The following GRK7 variants were observed in gnomAD, a reference collection of about 807,000 sequenced individuals.
The protein encoded by GRK7 is rhodopsin kinase GRK7.
In GRK7, 24 loss-of-function variants were observed where a neutral mutation model predicts 34.1. That is an observed-to-expected ratio of 0.70 (90% confidence interval 0.51 to 0.99). GRK7 has a LOEUF of 0.99. Among genes scored for constraint, GRK7 ranks in the 50% least tolerant of loss-of-function variants. The pLI is 0.00. For synonymous variants in GRK7, 256 were observed against 279.4 expected (o/e 0.92, Z 0.84); for missense variants, 644 against 707.3 (o/e 0.91, Z 1.02).
At chr3:141,811,086 G>A (rs570836387) in intron 5 of GRK7, among the ~76,000 whole-genome samples, 128 of 152,148 alleles carry the variant, frequency 8.4e-4, no homozygotes, top group Non-Finnish European at 1.6e-3. Context: ...AGGCCAAGGC[G>A]GGTGGGTCAC....
Position 141,778,802 on chromosome 3 carries a change from A to T in GRK7, c.518A>T (p.Asp173Val), listed in dbSNP as rs745778241. Residue 173 changes from aspartate (D) to valine (V), a missense_variant, in exon 3 of 6, where the codon GAC (aspartate) becomes GTC (valine). Asp to Val is a radical substitution (Grantham distance 152, BLOSUM62 -3). Coordinates refer to ENST00000682958, the MANE Select transcript of GRK7 (RefSeq NM_139209.3). This position sits in a 1 kb window ranked among gnomAD's most constrained non-coding sequence, Gnocchi z 4.1. ...FKDFVTSAFY[D>V]KFLQWKLFEM... ...GATTTCGTGACCAGCGCCTTCTACG[A>T]CAAGTTTCTGCAGTGGAAACTCTTC... 2 of 1,609,938 alleles carry T rather than the reference A, an allele frequency of 1.2e-6. No homozygotes were observed. Among genetic ancestry groups the T allele is most frequent in the South Asian group, 2.2e-5 (2 of 90,274 alleles).
chr3:141,792,848 G>T (rs1465020268), intron 4 of GRK7, among the ~76,000 whole-genome samples: 1 of 152,192 alleles, frequency 6.6e-6, no homozygotes, highest in Non-Finnish European at 1.5e-5. Context: ...GGATTAGAGG[G>T]TTAGGACTTT....
In GRK7 at chr3:141,765,536, C is replaced by T. The variant is rs1197420509; in HGVS notation, c.-417C>T. 2.6e-5 allele frequency among the ~76,000 whole-genome samples: 4 copies of T among 152,072 alleles called. No individual in the cohort carries two copies. Among genetic ancestry groups the T allele is most frequent in the African/African-American group, 4.8e-5 (2 of 41,400 alleles). On this transcript the variant is annotated 5_prime_UTR_variant, in exon 1 of 6. The change creates a new upstream start codon in the 5' untranslated region. Coordinates refer to ENST00000682958, the MANE Select transcript of GRK7 (RefSeq NM_139209.3). ...ACCAGTAGAATGTGGCAGAAGTTAA[C>T]GGTGTATCAGCTCCAGAGCCTGGAA... is the stretch of plus-strand genomic sequence containing the variant.
intron 1 of GRK7, among the ~76,000 whole-genome samples, chr3:141,773,499 G>T (rs2084625918): frequency 6.6e-6 from 1 of 152,100 alleles, no homozygotes; most frequent in Non-Finnish European, 1.5e-5. Flanking sequence ...GATTTATTAT[G>T]ATGATTATTA....
upstream of GRK7, among the ~76,000 whole-genome samples, chr3:141,760,804 T>G (rs2084552486): frequency 7.8e-6 from 1 of 128,006 alleles, no homozygotes; most frequent in Admixed American, 8.2e-5. Context: ...TGCTCCTGTA[T>G]TGGGTGCATA....
At position 141,789,656 on chromosome 3, in the gene GRK7, C is replaced by CAAAAAAAAAAAAAAAAAAA. The variant is rs60765509; in HGVS notation, c.1050+8859_1050+8860insAAAAAAAAAAAAAAAAAAA. On this transcript the variant is annotated intron_variant, in intron 4 of 5. Coordinates refer to ENST00000682958, the MANE Select transcript of GRK7 (RefSeq NM_139209.3). ...AGATGGGGACTGGATGCCAAATGGG[C>CAAAAAAAAAAAAAAAAAAA]AAAAAAAAAAAAAACACAAAACAGT... Among the ~76,000 whole-genome samples the CAAAAAAAAAAAAAAAAAAA allele has an allele frequency of 2.0e-3, 236 of 119,092 alleles. 3 individuals carry two copies. The highest frequency in any genetic ancestry group is 6.4e-3 in the African/African-American group (183 of 28,592). 78.1% of individuals were successfully genotyped at this position (119,092 alleles called of 152,430 possible).
intron 4 of GRK7, among the ~76,000 whole-genome samples, chr3:141,792,312 G>C (rs1433846587): frequency 6.6e-6 from 1 of 151,824 alleles, no homozygotes; most frequent in Non-Finnish European, 1.5e-5. Flanking sequence ...GCTGAGGCAG[G>C]GGAATTGCTT....
At chr3:141,773,158 AAAAAT>A (rs1473175079) in intron 1 of GRK7, among the ~76,000 whole-genome samples, 3 of 152,022 alleles carry the variant, frequency 2.0e-5, no homozygotes, top group African/African-American at 7.2e-5. Context: ...AAAAAGTTGA[AAAAAT>A]AAAATAAAAA....
intron 4 of GRK7, among the ~76,000 whole-genome samples, chr3:141,785,381 G>C (rs2084691100): frequency 6.6e-6 from 1 of 152,342 alleles, no homozygotes; most frequent in East Asian, 1.9e-4. Flanking sequence ...TGCGCTGGGT[G>C]TGGTGGCTCA....
chr3:141,782,516 G>C (rs545854712), intron 4 of GRK7, among the ~76,000 whole-genome samples: 3 of 152,210 alleles, frequency 2.0e-5, no homozygotes, highest in Non-Finnish European at 4.4e-5. Flanking sequence ...TGGTGCTGTG[G>C]AGGAAGACCT....
intron 1 of GRK7, among the ~76,000 whole-genome samples, chr3:141,770,513 A>G (rs976584443): frequency 4.6e-5 from 7 of 152,130 alleles, no homozygotes; most frequent in Non-Finnish European, 8.8e-5. Flanking sequence ...CTGGGAGGGT[A>G]AAGACCCTTT....
intron 2 of GRK7, among the ~76,000 whole-genome samples, chr3:141,777,509 A>AT (rs1366679727): frequency 1.5e-4 from 6 of 39,288 alleles, no homozygotes; most frequent in South Asian, 1.7e-3. Flanking sequence ...TTTTTTTTGT[A>AT]TTTTTTTTAG....
rs376958430 is a variant in GRK7 at position 141,816,797 on chromosome 3, C to T, written c.1409C>T (p.Pro470Leu). 2.6e-5 allele frequency: 42 copies of T among 1,602,130 alleles called. 1 individual carries two copies. Among genetic ancestry groups the T allele is most frequent in the East Asian group, 2.0e-4 (9 of 44,670 alleles). Residue 470 changes from proline to leucine, a missense_variant, in exon 6 of 6, where the codon CCA (proline) becomes CTA (leucine). Pro to Leu is a moderately conservative substitution (Grantham distance 98). Transcript: ENST00000682958. The part of the protein sequence containing the change: ...PRLEAGLIEP[P>L]FVPDPSVVYA... Reference sequence around the variant, plus strand: ...CTGGAAGCTGGCCTAATTGAACCCCCATTTGTGCCAGACCCTTCAGTGGTT... The same window carrying T: ...CTGGAAGCTGGCCTAATTGAACCCCTATTTGTGCCAGACCCTTCAGTGGTT...
intron 4 of GRK7, among the ~76,000 whole-genome samples, chr3:141,783,430 G>A (rs1457206185): frequency 2.6e-5 from 4 of 152,246 alleles, no homozygotes; most frequent in Admixed American, 2.6e-4. Flanking sequence ...GTTCTAGTTA[G>A]TAAGGATGAA....
intron 1 of GRK7, among the ~76,000 whole-genome samples, chr3:141,766,409 C>T (rs147216156): frequency 0.041 from 6,220 of 152,198 alleles, 156 homozygotes; most frequent in Non-Finnish European, 0.056. Flanking sequence ...GTGATCCACC[C>T]GCCTCGGCCT....
chr3:141,807,633 G>C lies in GRK7; in HGVS notation c.1051-12G>C, dbSNP rs540433932. ...TTCTGTGTTGTCTTGTTTTTTGTTT[G>C]GGATGTTACAGGCTGGAACCAATGG... is the stretch of plus-strand genomic sequence containing the variant. On this transcript the variant is annotated splice_polypyrimidine_tract_variant and intron_variant, in intron 4 of 5. Coordinates refer to ENST00000682958, the MANE Select transcript of GRK7 (RefSeq NM_139209.3). The C allele has an allele frequency of 1.9e-6, 3 of 1,608,264 alleles. No homozygotes were observed. The highest frequency in any genetic ancestry group is 2.7e-5 in the African/African-American group (2 of 74,550).
Position 141,764,341 on chromosome 3 carries a change from A to G in GRK7, c.-1612A>G, listed in dbSNP as rs1197482857. On this transcript the variant is annotated 5_prime_UTR_variant, in exon 1 of 6. Coordinates refer to ENST00000682958, the MANE Select transcript of GRK7 (RefSeq NM_139209.3). ...CTCCAATTCATTGATTCTCTGTTGA[A>G]CTGACTCTCATAAGGTTTTCATCCC... 6.6e-6 allele frequency among the ~76,000 whole-genome samples: 1 copy of G among 152,106 alleles called. No individual in the cohort carries two copies. The highest frequency in any genetic ancestry group is 1.5e-5 in the Non-Finnish European group (1 of 68,020).
At chr3:141,762,870 G>A (rs570003282), upstream of GRK7, among the ~76,000 whole-genome samples, 59 of 152,322 alleles carry the variant, frequency 3.9e-4, no homozygotes, top group Middle Eastern at 6.8e-3. Context: ...GCAATATTCG[G>A]GTGGGAGTGA....
Position 141,816,917 on chromosome 3 carries a change from C to T in GRK7, c.1529C>T (p.Thr510Ile), listed in dbSNP as rs969017953. 2 of 1,614,114 alleles carry T rather than the reference C, an allele frequency of 1.2e-6. No homozygotes were observed. The highest frequency in any genetic ancestry group is 2.7e-5 in the African/African-American group (2 of 75,024). ...AAGCAGTTCTTCAAAAACTTTGCGACAGGTGCTGTTCCTATAGCATGGCAG... is the reference window on the plus strand; with the variant it reads ...AAGCAGTTCTTCAAAAACTTTGCGATAGGTGCTGTTCCTATAGCATGGCAG... The part of the protein sequence containing the change: ...KDKQFFKNFA[T>I]GAVPIAWQEE... The change falls in exon 6 of 6, where the codon ACA becomes ATA. Residue 510 changes from threonine (T) to isoleucine (I), a missense_variant. Coordinates refer to ENST00000682958, the MANE Select transcript of GRK7 (RefSeq NM_139209.3).
Sources: gnomAD v4.1 joint callset for allele counts (sites outside exome capture counted in the v4.1 genomes callset) on GRCh38, gnomAD v4.1.1 for gene constraint, Gnocchi (gnomAD v3.1) non-coding constraint, MANE v1.5 for transcripts, NCBI Gene and HGNC (gene_info 2026-07-23, HGNC 2026-07-21) for gene names.